ANAPC2: variants seen among roughly 807,000 people sequenced by gnomAD.
ANAPC2 encodes the protein anaphase promoting complex subunit 2.
In ANAPC2, 29 loss-of-function variants were observed where a neutral mutation model predicts 84.3. The ratio of observed to expected loss-of-function variants is 0.34; its 90% CI spans 0.26 to 0.47. ANAPC2 has a LOEUF of 0.47. ANAPC2 is among the 20% of genes least tolerant of loss of function. The pLI, the probability that ANAPC2 is intolerant of heterozygous loss-of-function variation, is 1.00. For missense variants in ANAPC2, 857 were observed against 1,131.7 expected (o/e 0.76, Z 3.48); for synonymous variants, 571 against 479.4 (o/e 1.19, Z -2.50).
rs1251684852 is a variant in ANAPC2, at chr9:137,188,342, G to T, written c.117+74C>A. ...ATGATGGACAGAGCCGTATGAACCC[G>T]AGGGTAGCGGCCCCAAAGCGCGTAC... is the stretch of plus-strand genomic sequence containing the variant. On this transcript the variant is annotated intron_variant, in intron 1 of 12. Transcript: ENST00000323927. 5.4e-6 allele frequency: 8 copies of T among 1,489,884 alleles called. No individual in the cohort carries two copies. In the East Asian group the frequency reaches 1.9e-4, roughly 36 times the overall value. 92.3% of individuals were successfully genotyped at this position (1,489,884 alleles called of 1,614,324 possible).
intron 7 of ANAPC2, 60 bp from the exon 8 acceptor site, chr9:137,180,989 C>T (rs1834330419): frequency 6.3e-7 from 1 of 1,586,100 alleles, no homozygotes; most frequent in Admixed American, 1.7e-5. Flanking sequence ...CAGGGCCGCC[C>T]TCCTCCCATC....
At position 137,182,013 on chromosome 9, in the gene ANAPC2, T is replaced by A; in HGVS notation, c.1287-151A>T. On this transcript the variant is annotated intron_variant, in intron 6 of 12. Transcript: ENST00000323927. ...GGGCTATGTACTAAACACAGGCCCG[T>A]CAGACTCCTTAAAAACAAATAAACC... The A allele has an allele frequency of 8.7e-6, 7 of 808,068 alleles. No individual in the cohort carries two copies. The South Asian group carries it at 1.6e-4, about 18-fold the overall frequency. The allele number at this position is 808,068 out of a possible 1,614,324, so 50.1% of individuals were successfully genotyped here.
intron 10 of ANAPC2, among the ~76,000 whole-genome samples, chr9:137,178,681 G>T (rs1414722633): frequency 6.6e-6 from 1 of 150,980 alleles, no homozygotes; most frequent in African/African-American, 2.4e-5. Context: ...GGATGGCCAG[G>T]GTGCTCCTTT....
chr9:137,185,135 C>T (rs369551864), intron 3 of ANAPC2, 48 bp from the exon 4 acceptor site: 253 of 1,457,440 alleles, frequency 1.7e-4, no homozygotes, highest in Middle Eastern at 3.5e-4. Flanking sequence ...TGGTGAGCCC[C>T]GGGCTGACTC....
At chr9:137,188,153 G>A (rs775579086) in intron 1 of ANAPC2, 50 bp from the exon 2 acceptor site, 10 of 1,572,478 alleles carry the variant, frequency 6.4e-6, no homozygotes, top group South Asian at 3.4e-5. Flanking sequence ...TAGAGGTGGG[G>A]AGAGGCGGGG....
intron 3 of ANAPC2, among the ~76,000 whole-genome samples, chr9:137,185,458 G>A (rs1834444721): frequency 6.6e-6 from 1 of 152,126 alleles, no homozygotes; most frequent in Admixed American, 6.5e-5. Context: ...GGGCCCAGGC[G>A]AGCACAAACC....
At chr9:137,176,129 T>TG in intron 10 of ANAPC2, 1 of 329,344 alleles carries the variant, frequency 3.0e-6, no homozygotes, top group African/African-American at 2.1e-5. Flanking sequence ...TTGATGCAGA[T>TG]GTAACTGAGG....
At position 137,183,313 on chromosome 9, in the gene ANAPC2, T is replaced by A. The variant is rs1470768337; in HGVS notation, c.1169-71A>T. Reference sequence around the variant, plus strand: ...CAGCCTCCCAGGGGCAACACCCGAGTAGACAGCTGGCCATGCCGGTAGGTG... The same window carrying A: ...CAGCCTCCCAGGGGCAACACCCGAGAAGACAGCTGGCCATGCCGGTAGGTG... On this transcript the variant is annotated intron_variant, in intron 5 of 12. Transcript: ENST00000323927. The A allele has an allele frequency of 3.8e-6, 5 of 1,301,258 alleles. No homozygotes were observed. In the East Asian group the frequency reaches 1.2e-4, roughly 30 times the overall value. The allele number at this position is 1,301,258 out of a possible 1,614,324, so 80.6% of individuals were successfully genotyped here.
At chr9:137,179,671 C>A (rs1046187202) in intron 10 of ANAPC2, among the ~76,000 whole-genome samples, 1 of 152,238 alleles carries the variant, frequency 6.6e-6, no homozygotes, top group East Asian at 1.9e-4. Flanking sequence ...ACCACTGGAG[C>A]CTGCAAAGGC....
intron 3 of ANAPC2, 27 bp downstream of exon 3, chr9:137,186,197 G>A (rs1834464630): frequency 4.4e-6 from 7 of 1,608,234 alleles, no homozygotes; most frequent in Non-Finnish European, 5.1e-6. Flanking sequence ...TCTCCAGCGG[G>A]GCACAGCCCA....
chr9:137,175,712 G>A lies in ANAPC2; in HGVS notation c.2016C>T (p.Asp672=). 6.2e-7 allele frequency: 1 copy of A among 1,611,050 alleles called. No homozygotes were observed. Among genetic ancestry groups the A allele is most frequent in the Non-Finnish European group, 8.5e-7 (1 of 1,178,986 alleles). ...GCTAGGGGCTGGTGGGCTCACCTTG[G>A]TCCTGAAAATACAGCAAGATCACCG... ...VQAVILLYFQ[D]QASWTLEELS... is the part of the protein sequence containing the mutation. The change falls in exon 11 of 13, where the codon GAC becomes GAT. Residue 672 remains aspartate (D), a synonymous_variant. Coordinates refer to ENST00000323927, the MANE Select transcript of ANAPC2 (RefSeq NM_013366.4).
chr9:137,182,801 C>T (rs1225780598), intron 6 of ANAPC2, among the ~76,000 whole-genome samples: 1 of 152,224 alleles, frequency 6.6e-6, no homozygotes, highest in East Asian at 1.9e-4. Context: ...GCCTGGTCGG[C>T]CTTGGGGACT....
intron 6 of ANAPC2, 25 bp downstream of exon 6, chr9:137,183,100 C>A (rs1331717429): frequency 6.3e-7 from 1 of 1,579,194 alleles, no homozygotes. Context: ...GTCCCAGTGG[C>A]TCCTGGGCCA....
In ANAPC2 at chr9:137,181,871, G is replaced by A. The variant is rs1440994473; in HGVS notation, c.1287-9C>T. On this transcript the variant is annotated splice_polypyrimidine_tract_variant and intron_variant, in intron 6 of 12. Transcript: ENST00000323927. ...CTGTGTCCTCCCGCGTCCTGCCGAT[G>A]TGAGTGCTGCTGTGGCCCACAGTGT... The A allele has an allele frequency of 1.9e-6, 3 of 1,598,488 alleles. No homozygotes were observed. Among genetic ancestry groups the A allele is most frequent in the Non-Finnish European group, 2.5e-6 (3 of 1,177,152 alleles).
At position 137,175,389 on chromosome 9, in the gene ANAPC2, G is replaced by C. The variant is rs1334736153; in HGVS notation, c.2104C>G (p.Gln702Glu). Reference protein sequence around the residue: ...LRRRMSVWLQQGVLREEPPGT... With the variant: ...LRRRMSVWLQEGVLREEPPGT... The stretch of plus-strand genomic sequence containing the variant: ...GGGGGCTCCTCACGCAGCACACCCT[G>C]CTGCAGCCACACGGACATCCGCCGC... Residue 702 changes from glutamine to glutamate, a missense_variant, in exon 12 of 13, where the codon CAG becomes GAG. Gln to Glu is a conservative substitution (Grantham distance 29). This residue lies in a region of ANAPC2 where 425 missense variants were observed against 595.5 expected (regional missense o/e 0.71). Transcript: ENST00000323927. The C allele has an allele frequency of 6.2e-7, 1 of 1,609,762 alleles. No individual in the cohort carries two copies. The highest frequency in any genetic ancestry group is 8.5e-7 in the Non-Finnish European group (1 of 1,178,860).
intron 10 of ANAPC2, among the ~76,000 whole-genome samples, chr9:137,178,106 T>C (rs1352515850): frequency 6.6e-6 from 1 of 152,244 alleles, no homozygotes; most frequent in Non-Finnish European, 1.5e-5. Context: ...CCTTCCAGGA[T>C]CCGGCAGCTT....
At chr9:137,181,967 G>A in intron 6 of ANAPC2, 105 bp from the exon 7 acceptor site, 1 of 1,244,704 alleles carries the variant, frequency 8.0e-7, no homozygotes, top group South Asian at 1.5e-5. Flanking sequence ...CACCGACCCT[G>A]CCTCTACACT....
intron 10 of ANAPC2, among the ~76,000 whole-genome samples, chr9:137,179,246 A>C (rs1834287591): frequency 6.6e-6 from 1 of 151,970 alleles, no homozygotes; most frequent in Non-Finnish European, 1.5e-5. Context: ...GCCTCCCCCC[A>C]GTCCTGAGCA....
chr9:137,180,122 GC>G, intron 10 of ANAPC2, 58 bp downstream of exon 10: 1 of 1,541,032 alleles, frequency 6.5e-7, no homozygotes, highest in South Asian at 1.2e-5. Flanking sequence ...GCTGCTGGGA[GC>G]CCCGCAGTGC....
Sources: gnomAD v4.1 joint callset for allele counts (sites outside exome capture counted in the v4.1 genomes callset) on GRCh38, gnomAD v4.1.1 for gene constraint, gnomAD v4.1.1 regional missense constraint, MANE v1.5 for transcripts, NCBI Gene and HGNC (gene_info 2026-07-23, HGNC 2026-07-21) for gene names.